The following STRN variants were observed in gnomAD, a reference collection of about 807,000 sequenced individuals.
The protein encoded by STRN is striatin.
In STRN, 53 loss-of-function variants were observed where a neutral mutation model predicts 96.3. The observed-to-expected ratio is 0.55, with a 90% CI of 0.44 to 0.69. The LOEUF (loss-of-function observed/expected upper bound fraction) is 0.69. Ranked by LOEUF, STRN falls within the 30% of genes least tolerant of loss-of-function variation. STRN has a pLI of 0.00. For synonymous variants in STRN, 428 were observed against 355.9 expected, an observed-to-expected ratio of 1.20 and a Z score of -2.28; for missense variants, 987 against 963.9, an observed-to-expected ratio of 1.02 and a Z score of -0.32.
intron 1 of STRN, among the ~76,000 whole-genome samples, chr2:36,933,598 T>A (rs886946148): frequency 3.9e-5 from 6 of 152,202 alleles, no homozygotes; most frequent in Admixed American, 3.3e-4. Context: ...GCTAAATGCA[T>A]GAGTCTAGCC....
intron 6 of STRN, among the ~76,000 whole-genome samples, chr2:36,895,174 A>G (rs886223460): frequency 6.6e-6 from 1 of 152,058 alleles, no homozygotes; most frequent in Non-Finnish European, 1.5e-5. Context: ...AAAAAGACAA[A>G]AAATTAGCCA....
intron 12 of STRN, among the ~76,000 whole-genome samples, chr2:36,862,806 C>T (rs1007237339): frequency 2.6e-5 from 4 of 151,682 alleles, no homozygotes; most frequent in African/African-American, 7.3e-5. Context: ...GCGATCTTGG[C>T]TCACTGCAAG....
chr2:36,858,243 T>A (rs1222302041), intron 13 of STRN, among the ~76,000 whole-genome samples: 1 of 152,226 alleles, frequency 6.6e-6, no homozygotes, highest in Non-Finnish European at 1.5e-5. Flanking sequence ...TAAAAGCACG[T>A]ATTTTTCCCC....
At chr2:36,906,493 G>GAATGAATGAATGAATGAA (rs1389965524) in intron 3 of STRN, among the ~76,000 whole-genome samples, 1 of 83,074 alleles carries the variant, frequency 1.2e-5, no homozygotes, top group African/African-American at 4.2e-5. Flanking sequence ...GAATGAATGA[G>GAATGAATGAATGAATGAA]TAACAAATAA....
At chr2:36,891,593 T>C (rs1416677126) in intron 7 of STRN, among the ~76,000 whole-genome samples, 2 of 152,178 alleles carry the variant, frequency 1.3e-5, no homozygotes, top group Non-Finnish European at 2.9e-5. Context: ...TGAGTCTACT[T>C]TGAATGCAAG....
chr2:36,884,113 G>T, intron 8 of STRN, 38 bp from the exon 9 acceptor site: 1 of 1,309,846 alleles, frequency 7.6e-7, no homozygotes, highest in South Asian at 3.2e-5. Context: ...AGATAAAAAA[G>T]AGAAAAGAGA....
Position 36,921,008 on chromosome 2 carries a change from G to C in STRN, c.338+4097C>G, listed in dbSNP as rs565698609. On this transcript the variant is annotated intron_variant, in intron 2 of 17. Coordinates refer to ENST00000263918, the MANE Select transcript of STRN (RefSeq NM_003162.4). ...GAGAATGGCTTGAACCCAGGAGGCA[G>C]AGGCTGCAGTGAGCCGATATCACAC... 1.9e-3 allele frequency among the ~76,000 whole-genome samples: 290 copies of C among 151,752 alleles called. 2 individuals are homozygous for C. Among genetic ancestry groups the C allele is most frequent in the African/African-American group, 6.8e-3 (281 of 41,398 alleles).
rs937649459 is a variant in STRN at position 36,883,607 on chromosome 2, T to G, written c.1186+325A>C. Among the ~76,000 whole-genome samples the G allele has an allele frequency of 4.6e-5, 7 of 152,324 alleles. No homozygotes were observed. The East Asian group carries it at 7.7e-4, about 17-fold the overall frequency. On this transcript the variant is annotated intron_variant, in intron 9 of 17. Coordinates refer to ENST00000263918, the MANE Select transcript of STRN (RefSeq NM_003162.4). ...TTAAATATTTATATGAGTTTCAAAG[T>G]AAACATTTACTACCAATTTACAGAC...
chr2:36,882,770 A>G (rs1669108526), intron 9 of STRN, among the ~76,000 whole-genome samples: 1 of 152,110 alleles, frequency 6.6e-6, no homozygotes. Context: ...GCCTGTCTCC[A>G]AAAACAAACA....
chr2:36,846,387 T>TTATATATA lies in STRN; in HGVS notation c.*3061_*3068dup, dbSNP rs57446302. On this transcript the variant is annotated 3_prime_UTR_variant, in exon 18 of 18. Coordinates refer to ENST00000263918, the MANE Select transcript of STRN (RefSeq NM_003162.4). The stretch of plus-strand genomic sequence containing the variant: ...CAAAACAGTAAAATGCACCTATGGT[T>TTATATATA]TATATATATATATATATATATATAT... 0.028 allele frequency: 2,208 copies of TTATATATA among 77,806 alleles called. 74 individuals are homozygous for TTATATATA. Among genetic ancestry groups the TTATATATA allele is most frequent in the South Asian group, 0.039 (85 of 2,200 alleles). The allele number at this position is 77,806 out of a possible 1,614,324, so 4.8% of individuals were successfully genotyped here. A position where few individuals can be genotyped will look rare whatever the true frequency, so the allele number is the denominator to read the frequency against.
intron 2 of STRN, among the ~76,000 whole-genome samples, chr2:36,922,390 A>G (rs1435526062): frequency 1.3e-5 from 2 of 151,940 alleles, no homozygotes; most frequent in African/African-American, 4.8e-5. Flanking sequence ...GGACTGGAGT[A>G]TATCTGTATT....
rs151101479 is a variant in STRN at position 36,851,090 on chromosome 2, G to T, written c.1996C>A (p.Gln666Lys). The change falls in exon 16 of 18, where the codon CAA becomes AAA. Residue 666 changes from glutamine to lysine, a missense_variant. Coordinates refer to ENST00000263918, the MANE Select transcript of STRN (RefSeq NM_003162.4). ...NVDTTANSSC[Q>K]INRVISHPTL... The stretch of plus-strand genomic sequence containing the variant: ...GGATGACTGATGACTCTATTTATTT[G>T]GCAGGAAGAGTTGGCTGCTAAAAAG... The T allele has an allele frequency of 2.6e-4, 422 of 1,612,710 alleles. 1 individual carries two copies. In the African/African-American group the frequency reaches 5.1e-3, roughly 19 times the overall value.
At position 36,851,066 on chromosome 2, in the gene STRN, G is replaced by A. The variant is rs752848838; in HGVS notation, c.2020C>T (p.Pro674Ser). Residue 674 changes from proline to serine, a missense_variant, in exon 16 of 18, where the codon CCT (proline) becomes TCT (serine). Pro to Ser is a moderately conservative substitution (Grantham distance 74, BLOSUM62 -1). Coordinates refer to ENST00000263918, the MANE Select transcript of STRN (RefSeq NM_003162.4). ...GCAGTGATGCTGATCGGAAGAGTAG[G>A]ATGACTGATGACTCTATTTATTTGG... Reference protein sequence around the residue: ...SCQINRVISHPTLPISITAHE... With the variant: ...SCQINRVISHSTLPISITAHE... 8 of 1,613,774 alleles carry A rather than the reference G, an allele frequency of 5.0e-6. No individual in the cohort carries two copies. Among genetic ancestry groups the A allele is most frequent in the South Asian group, 1.1e-5 (1 of 91,044 alleles).
At chr2:36,885,609 C>T (rs1669199823) in intron 8 of STRN, among the ~76,000 whole-genome samples, 3 of 152,102 alleles carry the variant, frequency 2.0e-5, no homozygotes, top group Non-Finnish European at 4.4e-5. Flanking sequence ...ATAACAGACA[C>T]TGACTTTTTA....
chr2:36,841,565 A>C lies in STRN; in HGVS notation c.*7891T>G, dbSNP rs932913017. On this transcript the variant is annotated 3_prime_UTR_variant, in exon 18 of 18. Coordinates refer to ENST00000263918, the MANE Select transcript of STRN (RefSeq NM_003162.4). ...ATTTTAAAAATGTTTTTAAAAGCATAGTCAAAACCATTCAAAAGAGAACTC... is the reference window on the plus strand; with the variant it reads ...ATTTTAAAAATGTTTTTAAAAGCATCGTCAAAACCATTCAAAAGAGAACTC... 2.0e-5 allele frequency: 3 copies of C among 152,246 alleles called. No homozygotes were observed. Among genetic ancestry groups the C allele is most frequent in the African/African-American group, 7.2e-5 (3 of 41,468 alleles). The allele number at this position is 152,246 out of a possible 1,614,324, so 9.4% of individuals were successfully genotyped here.
At chr2:36,938,707 C>T (rs1258844887) in intron 1 of STRN, among the ~76,000 whole-genome samples, 3 of 152,120 alleles carry the variant, frequency 2.0e-5, no homozygotes, top group Non-Finnish European at 4.4e-5. Flanking sequence ...TATTTGATAT[C>T]TTTTAACTAT....
intron 1 of STRN, 97 bp downstream of exon 1, chr2:36,966,133 G>A: frequency 2.3e-6 from 3 of 1,289,566 alleles, no homozygotes; most frequent in South Asian, 1.8e-5. Flanking sequence ...AGGGGGAGGG[G>A]ACGCGAGAAG....
chr2:36,890,209 G>T (rs184426365), intron 7 of STRN, among the ~76,000 whole-genome samples: 9 of 152,102 alleles, frequency 5.9e-5, no homozygotes, highest in African/African-American at 2.2e-4. Context: ...ATAAAGGCCT[G>T]TTTCACTTTA....
At chr2:36,946,522 A>C (rs1292564786) in intron 1 of STRN, among the ~76,000 whole-genome samples, 2 of 152,188 alleles carry the variant, frequency 1.3e-5, no homozygotes, top group African/African-American at 2.4e-5. Context: ...TAAACATCCC[A>C]ATTATTACCA....
Sources: allele counts gnomAD v4.1 joint callset (sites outside exome capture counted in the v4.1 genomes callset), GRCh38; gene constraint gnomAD v4.1.1; transcripts MANE v1.5; gene names NCBI Gene and HGNC (gene_info 2026-07-23, HGNC 2026-07-21).